RNF44: variants seen among roughly 807,000 people sequenced by gnomAD.
RNF44 encodes the protein ring finger protein 44.
Under a neutral mutation model 53.6 loss-of-function variants are expected in RNF44, and 25 were observed. That is an observed-to-expected ratio of 0.47 (90% CI 0.34 to 0.65). RNF44 has a LOEUF of 0.65. Among genes scored for constraint, RNF44 ranks in the 30% least tolerant of loss-of-function variants. The pLI is 0.01. For missense variants in RNF44, 581 were observed against 595.5 expected, an observed-to-expected ratio of 0.98 and a Z score of 0.25; for synonymous variants, 282 against 252.2, an observed-to-expected ratio of 1.12 and a Z score of -1.12.
At chr5:176,542,829 G>C (rs1028101027), upstream of RNF44, 2 of 152,348 alleles carry the variant, frequency 1.3e-5, no homozygotes, top group African/African-American at 4.8e-5. Context: ...CTCCAGGGCA[G>C]GGCTTAGGCC....
chr5:176,536,630 C>G (rs1301046975), intron 1 of RNF44, among the ~76,000 whole-genome samples: 1 of 152,154 alleles, frequency 6.6e-6, no homozygotes, highest in East Asian at 1.9e-4. Flanking sequence ...CTTTAAGAGC[C>G]GAGGATCCCG....
chr5:176,542,515 G>C (rs565501028), upstream of RNF44: 5 of 152,194 alleles, frequency 3.3e-5, no homozygotes, highest in Admixed American at 2.0e-4. Flanking sequence ...TTCTGCAAAG[G>C]GGGCAGGAAC....
chr5:176,533,829 C>T (rs1036142438), intron 1 of RNF44, among the ~76,000 whole-genome samples: 1 of 152,200 alleles, frequency 6.6e-6, no homozygotes, highest in Admixed American at 6.5e-5. Context: ...ACCTGTCAGG[C>T]CCTGCAAAGC....
the RNF44 span, among the ~76,000 whole-genome samples, chr5:176,543,221 C>G: frequency 6.8e-6 from 1 of 147,416 alleles, no homozygotes; most frequent in African/African-American, 2.5e-5. This position sits in a 1 kb window ranked among gnomAD's most constrained non-coding sequence, Gnocchi z 4.0. Flanking sequence ...GCCGGCCCTG[C>G]GCCCGGGGCG....
intron 1 of RNF44, among the ~76,000 whole-genome samples, chr5:176,533,270 T>C (rs1171450937): frequency 6.6e-6 from 1 of 152,216 alleles, no homozygotes; most frequent in Non-Finnish European, 1.5e-5. Flanking sequence ...AACCCGCTCC[T>C]GCCCTCGGGG....
At chr5:176,533,060 A>C (rs1037387691) in intron 1 of RNF44, among the ~76,000 whole-genome samples, 7 of 152,268 alleles carry the variant, frequency 4.6e-5, no homozygotes, top group Non-Finnish European at 8.8e-5. Flanking sequence ...GCGGGGTCTC[A>C]GGGCACCCTG....
Position 176,532,103 on chromosome 5 carries a change from G to C in RNF44, c.198C>G (p.Pro66=). The part of the protein sequence containing the change: ...QQPPSRPPHL[P]VEERRASAPA... ...GAGCCGAGGCTCGGCGCTCCTCTACGGGGAGGTGTGGAGGTCGGGACGGCG... is the reference window on the plus strand; with the variant it reads ...GAGCCGAGGCTCGGCGCTCCTCTACCGGGAGGTGTGGAGGTCGGGACGGCG... The change falls in exon 3 of 11, where the codon CCC becomes CCG. Residue 66 remains proline, a synonymous_variant. Coordinates refer to ENST00000274811, the MANE Select transcript of RNF44 (RefSeq NM_014901.5). The C allele has an allele frequency of 6.3e-7, 1 of 1,596,270 alleles. No homozygotes were observed. Among genetic ancestry groups the C allele is most frequent in the Non-Finnish European group, 8.5e-7 (1 of 1,172,706 alleles).
intron 6 of RNF44, 128 bp downstream of exon 6, chr5:176,530,454 G>C (rs1037396308): frequency 8.8e-7 from 1 of 1,137,220 alleles, no homozygotes; most frequent in African/African-American, 1.7e-5. Context: ...CAGCCGCCCC[G>C]GAGCCCACGT....
At chr5:176,530,380 C>T (rs1455868111) in intron 6 of RNF44, among the ~76,000 whole-genome samples, 174 bp from the exon 7 acceptor site, 1 of 92,034 alleles carries the variant, frequency 1.1e-5, no homozygotes, top group African/African-American at 4.6e-5. Flanking sequence ...CAAGTCAGCC[C>T]GGTGGGCCTG....
intron 1 of RNF44, among the ~76,000 whole-genome samples, chr5:176,533,522 G>A (rs2113157050): frequency 6.6e-6 from 1 of 152,320 alleles, no homozygotes; most frequent in Middle Eastern, 3.4e-3. Context: ...ACCAGCCCCA[G>A]GCTTCATGGG....
At chr5:176,539,372 C>G (rs770853676), upstream of RNF44, among the ~76,000 whole-genome samples, 33 of 152,182 alleles carry the variant, frequency 2.2e-4, no homozygotes, top group Admixed American at 9.2e-4. Context: ...TTTTGTTTTC[C>G]CCACCACATA....
At chr5:176,540,331 C>A (rs1757419614), upstream of RNF44, among the ~76,000 whole-genome samples, 1 of 152,156 alleles carries the variant, frequency 6.6e-6, no homozygotes, top group Non-Finnish European at 1.5e-5. Flanking sequence ...CCACCTTTTC[C>A]ATCCCCACCC....
intron 1 of RNF44, among the ~76,000 whole-genome samples, chr5:176,535,044 G>C (rs1167675833): frequency 6.6e-6 from 1 of 152,204 alleles, no homozygotes; most frequent in African/African-American, 2.4e-5. Context: ...GGCAGGGAAG[G>C]TGGTAAGGAG....
upstream of RNF44, among the ~76,000 whole-genome samples, chr5:176,538,326 A>C (rs914997613): frequency 4.6e-5 from 7 of 152,144 alleles, no homozygotes; most frequent in African/African-American, 1.7e-4. Flanking sequence ...ACAGATGGGG[A>C]AAGTGAGGGC....
chr5:176,536,013 A>C (rs1391281491), intron 1 of RNF44: 1 of 152,234 alleles, frequency 6.6e-6, no homozygotes, highest in African/African-American at 2.4e-5. Context: ...TTGGTCTAAG[A>C]GCCCCAGGGA....
chr5:176,530,309 C>A, intron 6 of RNF44, 103 bp from the exon 7 acceptor site: 1 of 190,900 alleles, frequency 5.2e-6, no homozygotes, highest in South Asian at 1.1e-4. Context: ...CCAGCCGCCC[C>A]GGAGCCCAGG....
chr5:176,529,474 C>T (rs762577603), intron 9 of RNF44, 49 bp downstream of exon 9: 48 of 1,608,532 alleles, frequency 3.0e-5, no homozygotes, highest in Middle Eastern at 1.7e-4. Flanking sequence ...GGGCGTCCCA[C>T]GGCAGCCAGC....
upstream of RNF44, among the ~76,000 whole-genome samples, chr5:176,540,879 C>T (rs1757431739): frequency 6.6e-6 from 1 of 152,202 alleles, no homozygotes; most frequent in South Asian, 2.1e-4. Flanking sequence ...CACAATTTTC[C>T]CAGAATTTTC....
Position 176,530,892 on chromosome 5 carries a change from G to GC in RNF44, c.594dup (p.Pro199AlafsTer133). 2 of 1,309,758 alleles carry GC rather than the reference G, an allele frequency of 1.5e-6. No individual in the cohort carries two copies. The highest frequency in any genetic ancestry group is 1.9e-5 in the South Asian group (1 of 53,870). 81.1% of individuals were successfully genotyped at this position (1,309,758 alleles called of 1,614,324 possible). On this transcript the variant is annotated frameshift_variant, in exon 5 of 11. Coordinates refer to ENST00000274811, the MANE Select transcript of RNF44 (RefSeq NM_014901.5). LOFTEE classifies it high-confidence loss of function. The stretch of plus-strand genomic sequence containing the variant: ...TGCAGAGACACAAACTGCCCCAGGG[G>GC]CGCCATGTGGGTGGGCTGGGGGGGT...
Sources: allele counts gnomAD v4.1 joint callset (sites outside exome capture counted in the v4.1 genomes callset), GRCh38; gene constraint gnomAD v4.1.1; non-coding constraint Gnocchi (gnomAD v3.1); transcripts MANE v1.5; gene names NCBI Gene and HGNC (gene_info 2026-07-23, HGNC 2026-07-21).